The following ARL13B variants were observed in gnomAD, a reference collection of about 807,000 sequenced individuals.
The protein encoded by ARL13B is ADP-ribosylation factor-like protein 13B.
A neutral mutation model predicts 56.1 loss-of-function variants in ARL13B; 36 were observed. That is an observed-to-expected ratio of 0.64 (90% CI 0.49 to 0.85). ARL13B has a LOEUF of 0.85. Among genes scored for constraint, ARL13B ranks in the 40% least tolerant of loss-of-function variants. The pLI, the probability that ARL13B is intolerant of heterozygous loss-of-function variation, is 0.00. For synonymous variants in ARL13B, 178 were observed against 171.1 expected (o/e 1.04, Z -0.32); for missense variants, 519 against 507.1 (o/e 1.02, Z -0.23).
rs1021020270 is a variant in ARL13B at position 94,036,452 on chromosome 3, A to G, written c.487-100A>G. ...CAGATGCTTCATATTATTAACTTAA[A>G]TGGCTTAATTTTGATTTGCCATTAA... On this transcript the variant is annotated intron_variant, in intron 4 of 9. Transcript: ENST00000394222. 10 of 1,241,524 alleles carry G rather than the reference A, an allele frequency of 8.1e-6. No homozygotes were observed. The African/African-American group carries it at 9.1e-5, about 11-fold the overall frequency. The allele number at this position is 1,241,524 out of a possible 1,614,324, so 76.9% of individuals were successfully genotyped here. A position where few individuals can be genotyped will look rare whatever the true frequency, so the allele number is the denominator to read the frequency against.
intron 7 of ARL13B, among the ~76,000 whole-genome samples, chr3:94,045,115 G>A (rs538404950): frequency 1.3e-5 from 2 of 152,196 alleles, no homozygotes; most frequent in African/African-American, 4.8e-5. Flanking sequence ...AAATTCTTCT[G>A]CCTTGGGATG....
At chr3:93,985,148 A>G (rs1222404819) in intron 1 of ARL13B, among the ~76,000 whole-genome samples, 1 of 152,214 alleles carries the variant, frequency 6.6e-6, no homozygotes, top group Non-Finnish European at 1.5e-5. Flanking sequence ...TTGTAGTTTT[A>G]TATTTTCATT....
rs1230277806 is a variant in ARL13B at position 94,029,332 on chromosome 3, A to ATTTTTT, written c.381-5998_381-5997insTTTTTT. ...TATATATATATATATATATATATAT[A>ATTTTTT]TATTTATTTTTTTTTTATTTTTTTT... On this transcript the variant is annotated intron_variant, in intron 3 of 9. Transcript: ENST00000394222. 2.8e-5 allele frequency among the ~76,000 whole-genome samples: 2 copies of ATTTTTT among 72,372 alleles called. 1 individual carries two copies. Among genetic ancestry groups the ATTTTTT allele is most frequent in the African/African-American group, 1.0e-4 (2 of 19,148 alleles). The allele number at this position is 72,372 out of a possible 152,430, so 47.5% of individuals were successfully genotyped here.
chr3:93,987,810 A>T (rs1710541244), intron 1 of ARL13B, among the ~76,000 whole-genome samples: 1 of 147,496 alleles, frequency 6.8e-6, no homozygotes, highest in Admixed American at 6.8e-5. Flanking sequence ...TGCCTGGCTA[A>T]TTTTTTTTTT....
At chr3:94,008,856 C>T (rs954828353) in intron 3 of ARL13B, among the ~76,000 whole-genome samples, 2 of 152,082 alleles carry the variant, frequency 1.3e-5, no homozygotes, top group African/African-American at 4.8e-5. Context: ...ACACTGCCTG[C>T]TTTTCTGTGG....
At chr3:94,047,206 A>T (rs1001522742) in intron 7 of ARL13B, among the ~76,000 whole-genome samples, 1 of 152,226 alleles carries the variant, frequency 6.6e-6, no homozygotes, top group Non-Finnish European at 1.5e-5. Flanking sequence ...ATAGTATCAC[A>T]GGGCTTATGA....
intron 3 of ARL13B, among the ~76,000 whole-genome samples, chr3:94,008,087 G>A (rs532593567): frequency 6.6e-6 from 1 of 152,104 alleles, no homozygotes; most frequent in Non-Finnish European, 1.5e-5. Flanking sequence ...ATTCAGCTAT[G>A]TAGAGTGGCA....
At chr3:94,006,885 G>A (rs994208160) in intron 3 of ARL13B, among the ~76,000 whole-genome samples, 2 of 152,108 alleles carry the variant, frequency 1.3e-5, no homozygotes, top group African/African-American at 4.8e-5. Flanking sequence ...ATAATAAGTA[G>A]AAAAGATGTT....
At chr3:94,038,515 C>CTTTTTTTTTTTTTTTTTTTTT (rs761909057) in intron 5 of ARL13B, among the ~76,000 whole-genome samples, 1 of 54,468 alleles carries the variant, frequency 1.8e-5, no homozygotes, top group Non-Finnish European at 3.4e-5. Flanking sequence ...TCTGGCTGCT[C>CTTTTTTTTTTTTTTTTTTTTT]TTTTTTTTTT....
intron 4 of ARL13B, among the ~76,000 whole-genome samples, chr3:94,036,308 C>A (rs1274444689): frequency 6.6e-6 from 1 of 152,052 alleles, no homozygotes; most frequent in South Asian, 2.1e-4. Flanking sequence ...TTATAAGTGG[C>A]ACTGTCACCC....
intron 3 of ARL13B, among the ~76,000 whole-genome samples, chr3:94,019,544 T>C (rs2076404630): frequency 6.6e-6 from 1 of 152,090 alleles, no homozygotes; most frequent in Non-Finnish European, 1.5e-5. Flanking sequence ...CTCCTAAGTG[T>C]TCTCCTTGTT....
In ARL13B at chr3:94,053,596, T is replaced by C. The variant is rs1388684638; in HGVS notation, c.*333T>C. 2 of 493,362 alleles carry C rather than the reference T, an allele frequency of 4.1e-6. No homozygotes were observed. The highest frequency in any genetic ancestry group is 3.1e-5 in the South Asian group (2 of 64,536). The allele number at this position is 493,362 out of a possible 1,614,324, so 30.6% of individuals were successfully genotyped here. On this transcript the variant is annotated 3_prime_UTR_variant, in exon 10 of 10. Transcript: ENST00000394222. ...AAAAGAGCCAATGGACTCAGCACTT[T>C]CTTTACTATTTGTTCAATAGCCTAT...
chr3:93,989,006 C>T (rs942116982), intron 1 of ARL13B: 8 of 265,752 alleles, frequency 3.0e-5, no homozygotes, highest in South Asian at 3.9e-5. Flanking sequence ...AGAGCCTTCG[C>T]GAAGCTGGGC....
At chr3:94,002,888 C>T (rs1178564616) in intron 2 of ARL13B, among the ~76,000 whole-genome samples, 1 of 152,110 alleles carries the variant, frequency 6.6e-6, no homozygotes, top group Admixed American at 6.5e-5. Flanking sequence ...TTTGCCATTT[C>T]CCTTCCTCTT....
At chr3:93,980,587 C>A in intron 1 of ARL13B, 105 bp downstream of exon 1, 3 of 1,395,056 alleles carry the variant, frequency 2.2e-6, no homozygotes, top group South Asian at 1.2e-5. Context: ...CTATCCCAGG[C>A]CGCAAGGGAT....
intron 3 of ARL13B, among the ~76,000 whole-genome samples, chr3:94,013,367 T>C (rs1369514335): frequency 6.6e-6 from 1 of 152,204 alleles, no homozygotes; most frequent in Non-Finnish European, 1.5e-5. Flanking sequence ...TCTATTCCCG[T>C]GTTGTGTGAA....
intron 6 of ARL13B, among the ~76,000 whole-genome samples, chr3:94,040,903 C>T (rs748911062): frequency 2.1e-4 from 32 of 152,000 alleles, no homozygotes; most frequent in Non-Finnish European, 4.4e-4. Context: ...TAGTGCTTCT[C>T]CCAGCACCGT....
At chr3:94,025,885 A>T (rs560954767) in intron 3 of ARL13B, among the ~76,000 whole-genome samples, 1 of 152,306 alleles carries the variant, frequency 6.6e-6, no homozygotes, top group South Asian at 2.1e-4. Flanking sequence ...ACTCAGTTTT[A>T]GTTCCCTATA....
At chr3:94,002,547 A>T (rs2076071758) in intron 2 of ARL13B, among the ~76,000 whole-genome samples, 1 of 152,234 alleles carries the variant, frequency 6.6e-6, no homozygotes, top group African/African-American at 2.4e-5. Context: ...CCAGTGATGA[A>T]GAAAAAATAG....
Sources: allele counts gnomAD v4.1 joint callset (sites outside exome capture counted in the v4.1 genomes callset), GRCh38; gene constraint gnomAD v4.1.1; transcripts MANE v1.5; gene names NCBI Gene and HGNC (gene_info 2026-07-23, HGNC 2026-07-21).